The following LRRC66 variants were observed in gnomAD, a reference collection of about 807,000 sequenced individuals.
LRRC66 encodes the protein leucine rich repeat containing 66.
In LRRC66, 29 loss-of-function variants were observed where a neutral mutation model predicts 24.6. The ratio of observed to expected loss-of-function variants is 1.18; its 90% CI spans 0.88 to 1.61. The LOEUF (loss-of-function observed/expected upper bound fraction) is 1.61, where lower values mean the gene tolerates loss of function less well. Among genes scored for constraint, LRRC66 ranks in the 40% most tolerant of loss-of-function variants. The pLI, the probability that LRRC66 is intolerant of heterozygous loss-of-function variation, is 0.00. For missense variants in LRRC66, 1,124 were observed against 1,058.0 expected (o/e 1.06, Z -0.87); for synonymous variants, 411 against 397.6 (o/e 1.03, Z -0.40).
At chr4:51,996,266 G>A in intron 4 of LRRC66, 101 bp from the exon 5 acceptor site, 1 of 1,169,332 alleles carries the variant, frequency 8.6e-7, no homozygotes, top group Admixed American at 2.9e-5. Flanking sequence ...CAATTTTTTT[G>A]AATTTTGAAT....
chr4:52,019,950 T>G (rs1195468025), intron 1 of LRRC66, among the ~76,000 whole-genome samples: 2 of 152,098 alleles, frequency 1.3e-5, no homozygotes, highest in Admixed American at 1.3e-4. Flanking sequence ...GGTATTAATT[T>G]GTTAAAAAAA....
Position 51,994,401 on chromosome 4 carries a change from C to A in LRRC66, c.2621G>T (p.Arg874Ile). The A allele has an allele frequency of 6.2e-7, 1 of 1,611,926 alleles. No homozygotes were observed. The highest frequency in any genetic ancestry group is 8.5e-7 in the Non-Finnish European group (1 of 1,179,288). The change falls in exon 5 of 5, where the codon AGA (arginine) becomes ATA (isoleucine). Residue 874 changes from arginine to isoleucine, a missense_variant. Arg to Ile is a moderately conservative substitution (Grantham distance 97). Coordinates refer to ENST00000682860, the MANE Select transcript of LRRC66 (RefSeq NM_001024611.3). ...SDPDKAAFHE[R>I]DSDILK is the part of the protein sequence containing the mutation. ...TTCTTATTTTAAAATGTCTGAGTCTCTTTCATGGAAGGCAGCCTTATCAGG... is the reference window on the plus strand; with the variant it reads ...TTCTTATTTTAAAATGTCTGAGTCTATTTCATGGAAGGCAGCCTTATCAGG...
chr4:52,016,151 C>A (rs1264618631), intron 2 of LRRC66, among the ~76,000 whole-genome samples: 1 of 152,124 alleles, frequency 6.6e-6, no homozygotes, highest in Non-Finnish European at 1.5e-5. Context: ...TCAAACAATT[C>A]TGCTGACATG....
chr4:52,018,854 A>G (rs979658814), intron 1 of LRRC66, among the ~76,000 whole-genome samples: 2 of 152,170 alleles, frequency 1.3e-5, no homozygotes, highest in Admixed American at 6.5e-5. Context: ...GTTCATTCCC[A>G]GTTCCAAGTT....
chr4:51,993,837 C>A lies in LRRC66; in HGVS notation c.*542G>T, dbSNP rs1736221056. 1 of 152,306 alleles carries A rather than the reference C, an allele frequency of 6.6e-6. No homozygotes were observed. The highest frequency in any genetic ancestry group is 6.5e-5 in the Admixed American group (1 of 15,284). The allele number at this position is 152,306 out of a possible 1,614,324, so 9.4% of individuals were successfully genotyped here. On this transcript the variant is annotated 3_prime_UTR_variant, in exon 5 of 5. Coordinates refer to ENST00000682860, the MANE Select transcript of LRRC66 (RefSeq NM_001024611.3). ...TCTATCCAGCATTTCCACTTAAGTGCTTCAATATGTATGAAAAAATGTCAT... is the reference window on the plus strand; with the variant it reads ...TCTATCCAGCATTTCCACTTAAGTGATTCAATATGTATGAAAAAATGTCAT...
At chr4:52,008,711 C>G (rs564839679) in intron 2 of LRRC66, among the ~76,000 whole-genome samples, 1 of 152,080 alleles carries the variant, frequency 6.6e-6, no homozygotes, top group Admixed American at 6.6e-5. Flanking sequence ...CAAATAAAGA[C>G]CTTTTCAATA....
chr4:52,005,752 C>G (rs1736567502), intron 2 of LRRC66, among the ~76,000 whole-genome samples: 1 of 151,988 alleles, frequency 6.6e-6, no homozygotes. Flanking sequence ...TCCCTGTGCA[C>G]AGCCCTGCTG....
chr4:52,006,920 C>G (rs1736600269), intron 2 of LRRC66, among the ~76,000 whole-genome samples: 1 of 152,002 alleles, frequency 6.6e-6, no homozygotes. Flanking sequence ...ACTTGCCCAA[C>G]AACACCATGG....
Position 51,996,037 on chromosome 4 carries a change from G to A in LRRC66, c.985C>T (p.His329Tyr), listed in dbSNP as rs1468382370. 1.9e-6 allele frequency: 3 copies of A among 1,613,828 alleles called. No homozygotes were observed. The highest frequency in any genetic ancestry group is 2.5e-6 in the Non-Finnish European group (3 of 1,180,008). Residue 329 changes from histidine (H) to tyrosine (Y), a missense_variant, in exon 5 of 5, where the codon CAC (histidine) becomes TAC (tyrosine). Coordinates refer to ENST00000682860, the MANE Select transcript of LRRC66 (RefSeq NM_001024611.3). ...TTCCCCAGAGTAGAAATGCCCGTGT[G>A]CCTTCCTCCCTGGGGCCTCTCTGCT... Reference protein sequence around the residue: ...SKAERPQGGRHTGISTLGKKA... With the variant: ...SKAERPQGGRYTGISTLGKKA...
Position 52,017,330 on chromosome 4 carries a change from T to C in LRRC66, c.284A>G (p.Asn95Ser), listed in dbSNP as rs374677599. The C allele has an allele frequency of 4.4e-5, 71 of 1,614,044 alleles. No homozygotes were observed. Among genetic ancestry groups the C allele is most frequent in the Non-Finnish European group, 5.6e-5 (66 of 1,180,010 alleles). ...GCTTAAGGTTATTTTTGATATGAGA[T>C]TGTTACTGAGGTCCAGATGTTTTAT... Reference protein sequence around the residue: ...WKIKHLDLSNNLISKITLSPF... With the variant: ...WKIKHLDLSNSLISKITLSPF... The change falls in exon 2 of 5, where the codon AAT becomes AGT. Residue 95 changes from asparagine (N) to serine (S), a missense_variant. By Grantham distance (46) the Asn-to-Ser change is conservative. Coordinates refer to ENST00000682860, the MANE Select transcript of LRRC66 (RefSeq NM_001024611.3).
chr4:52,006,265 A>G (rs1020495500), intron 2 of LRRC66, among the ~76,000 whole-genome samples: 8 of 152,198 alleles, frequency 5.3e-5, no homozygotes, highest in African/African-American at 9.7e-5. Context: ...TGTTTATTGC[A>G]GCATCATTCA....
chr4:52,018,344 A>G (rs1736865270), intron 1 of LRRC66: 2 of 984,772 alleles, frequency 2.0e-6, no homozygotes, highest in Non-Finnish European at 2.4e-6. Flanking sequence ...AGTGTGTACA[A>G]ATTACAATGG....
chr4:51,994,975 TAGC>T lies in LRRC66; in HGVS notation c.2044_2046del (p.Ala682del). 6.2e-7 allele frequency: 1 copy of T among 1,614,144 alleles called. No homozygotes were observed. The highest frequency in any genetic ancestry group is 1.3e-5 in the African/African-American group (1 of 75,058). On this transcript the variant is annotated inframe_deletion, in exon 5 of 5. Coordinates refer to ENST00000682860, the MANE Select transcript of LRRC66 (RefSeq NM_001024611.3). The stretch of plus-strand genomic sequence containing the variant: ...GTGGATTTCTGCACTGGTTCCTTGT[TAGC>T]AGGAGTGACATCCAGGCCACTGTCC...
At chr4:52,016,048 A>C (rs1335282748) in intron 2 of LRRC66, among the ~76,000 whole-genome samples, 1 of 152,182 alleles carries the variant, frequency 6.6e-6, no homozygotes, top group Non-Finnish European at 1.5e-5. Flanking sequence ...AAAATAATAC[A>C]ATAAAAATAA....
At chr4:51,996,992 C>A (rs78939453) in intron 4 of LRRC66, among the ~76,000 whole-genome samples, 207 of 152,382 alleles carry the variant, frequency 1.4e-3, no homozygotes, top group African/African-American at 4.5e-3. Flanking sequence ...ATTAAGACTT[C>A]TCTCTGATCT....
chr4:52,000,895 A>G (rs560911020), intron 3 of LRRC66, among the ~76,000 whole-genome samples: 1 of 152,342 alleles, frequency 6.6e-6, no homozygotes, highest in African/African-American at 2.4e-5. Context: ...TCTCATAGAA[A>G]TTGTGAGATA....
chr4:51,998,011 A>AACAGTAGTTTTCTGT, intron 3 of LRRC66, 74 bp from the exon 4 acceptor site: 2 of 1,297,708 alleles, frequency 1.5e-6, no homozygotes, highest in Non-Finnish European at 2.2e-6. Context: ...GAGTTACAGA[A>AACAGTAGTTTTCTGT]AACTACTGTT....
At chr4:52,012,522 T>C (rs748786702) in intron 2 of LRRC66, among the ~76,000 whole-genome samples, 1 of 152,206 alleles carries the variant, frequency 6.6e-6, no homozygotes, top group Non-Finnish European at 1.5e-5. Flanking sequence ...AAGAAAACTC[T>C]TGCATGGTAC....
chr4:52,013,419 T>C (rs1185806437), intron 2 of LRRC66, among the ~76,000 whole-genome samples: 1 of 152,208 alleles, frequency 6.6e-6, no homozygotes, highest in Non-Finnish European at 1.5e-5. Flanking sequence ...CAACAAGATG[T>C]TGTTCCTGCT....
Sources: allele counts gnomAD v4.1 joint callset (sites outside exome capture counted in the v4.1 genomes callset), GRCh38; gene constraint gnomAD v4.1.1; transcripts MANE v1.5; gene names NCBI Gene and HGNC (gene_info 2026-07-23, HGNC 2026-07-21).